Variants in PLAC1 observed in about 807,000 individuals in gnomAD.
PLAC1 encodes the protein placenta associated 1, also known as placenta-specific protein 1.
For synonymous variants in PLAC1, 68 were observed against 62.1 expected, an observed-to-expected ratio of 1.09 and a Z score of -0.44; for missense variants, 136 against 163.2, an observed-to-expected ratio of 0.83 and a Z score of 0.91.
intron 2 of PLAC1, among the ~76,000 whole-genome samples, chrX:134,590,196 AAAATAAAT>A (rs371123358): frequency 9.7e-6 from 1 of 103,384 alleles, no homozygotes; most frequent in African/African-American, 3.5e-5. Context: ...CTCCATCTCA[AAAATAAAT>A]AAATAAATAA....
At chrX:134,740,401 A>C (rs947651338) in intron 1 of PLAC1, among the ~76,000 whole-genome samples, 48 of 111,228 alleles carry the variant, frequency 4.3e-4, no homozygotes, top group Admixed American at 3.6e-3. Flanking sequence ...AACCATGGAG[A>C]TCTCATGAGC....
chrX:134,690,645 T>TA (rs1569405421), intron 2 of PLAC1, among the ~76,000 whole-genome samples: 2 of 109,160 alleles, frequency 1.8e-5, no homozygotes, highest in Non-Finnish European at 3.8e-5. Context: ...GAGGTCACAC[T>TA]CAAAAATATC....
chrX:134,659,541 G>GA (rs375523484), upstream of PLAC1, among the ~76,000 whole-genome samples: 10 of 111,001 alleles, frequency 9.0e-5, no homozygotes, highest in Non-Finnish European at 1.3e-4. Flanking sequence ...GGGGATGGGG[G>GA]AAAAAACACA....
chrX:134,677,423 G>A (rs950761402), intron 2 of PLAC1, among the ~76,000 whole-genome samples: 2 of 112,150 alleles, frequency 1.8e-5, no homozygotes, highest in African/African-American at 6.5e-5. Context: ...AGTAATACAT[G>A]CTCTGAAGAA....
chrX:134,656,294 A>G (rs904287364), intron 1 of PLAC1, among the ~76,000 whole-genome samples: 2 of 112,170 alleles, frequency 1.8e-5, no homozygotes, highest in Admixed American at 1.9e-4. Context: ...GTGGCCTTAG[A>G]GAAGTCACTA....
chrX:134,648,991 G>A (rs7058165), intron 1 of PLAC1, among the ~76,000 whole-genome samples: 1,413 of 111,773 alleles, frequency 0.013, 23 homozygotes, highest in African/African-American at 0.044. Flanking sequence ...AAAGCAGGCC[G>A]GGCGCAGTGG....
chrX:134,759,194 A>C (rs2078764021), intron 1 of PLAC1, among the ~76,000 whole-genome samples: 2 of 109,715 alleles, frequency 1.8e-5, no homozygotes, highest in African/African-American at 6.6e-5. Context: ...TCTGTCGCCT[A>C]GGCTGGAGTG....
intron 2 of PLAC1, among the ~76,000 whole-genome samples, chrX:134,585,858 T>C: frequency 9.0e-6 from 1 of 110,704 alleles, no homozygotes; most frequent in Non-Finnish European, 1.9e-5. Context: ...GTACAAGGAG[T>C]TGGGGGAGGG....
At chrX:134,567,755 C>T (rs2077884337) in intron 2 of PLAC1, among the ~76,000 whole-genome samples, 1 of 78,560 alleles carries the variant, frequency 1.3e-5, no homozygotes, top group South Asian at 8.5e-4. Flanking sequence ...GAGAGAGACT[C>T]TGTCTCAAAA....
At chrX:134,726,306 C>T (rs1055851031) in intron 2 of PLAC1, among the ~76,000 whole-genome samples, 5 of 111,174 alleles carry the variant, frequency 4.5e-5, no homozygotes, top group Admixed American at 9.6e-5. Flanking sequence ...TACCCCTACT[C>T]GAAGCTGGAG....
chrX:134,659,061 G>A (rs2078405679), upstream of PLAC1, among the ~76,000 whole-genome samples: 1 of 110,529 alleles, frequency 9.0e-6, no homozygotes, highest in Admixed American at 9.7e-5. Flanking sequence ...TTGGGGGGCT[G>A]TGGCGGGTGG....
intron 2 of PLAC1, among the ~76,000 whole-genome samples, chrX:134,698,916 A>T (rs1054076474): frequency 1.8e-5 from 2 of 110,860 alleles, no homozygotes; most frequent in African/African-American, 6.6e-5. Context: ...AAATGGCATC[A>T]CCATCCACCC....
chrX:134,745,303 T>C (rs1431687114), intron 1 of PLAC1, among the ~76,000 whole-genome samples: 1 of 111,832 alleles, frequency 8.9e-6, no homozygotes, highest in Non-Finnish European at 1.9e-5. Context: ...CTGTCATTGA[T>C]ATGAATTTAG....
In PLAC1 at chrX:134,731,278, A is replaced by G. The variant is rs1270688130; in HGVS notation, n.174+2157T>C. Among the ~76,000 whole-genome samples, 5 of 112,142 alleles carry G rather than the reference A, an allele frequency of 4.5e-5. No homozygotes were observed. The East Asian group carries it at 1.4e-3, about 32-fold the overall frequency. On this transcript the variant is annotated intron_variant and non_coding_transcript_variant, in intron 2 of 2. Transcript: ENST00000466797. The stretch of plus-strand genomic sequence containing the variant: ...GTTTGTATCTCTATAAAATGGGGAT[A>G]TAATTGTACCTACCTGTCACATGAA...
At chrX:134,669,978 C>T (rs779653086) in intron 2 of PLAC1, among the ~76,000 whole-genome samples, 115 of 112,092 alleles carry the variant, frequency 1.0e-3, no homozygotes, top group African/African-American at 3.6e-3. Flanking sequence ...ATGAGGATGG[C>T]TCTGCATACG....
chrX:134,589,726 CAA>C (rs11319611), intron 2 of PLAC1, among the ~76,000 whole-genome samples: 2,676 of 73,639 alleles, frequency 0.036, 99 homozygotes, highest in African/African-American at 0.12. Context: ...GACTCTGTCT[CAA>C]AAAAAAAAAA....
At chrX:134,657,470 C>T (rs2078397685) in intron 1 of PLAC1, among the ~76,000 whole-genome samples, 1 of 112,102 alleles carries the variant, frequency 8.9e-6, no homozygotes, top group African/African-American at 3.2e-5. Context: ...GAAGCTGGAA[C>T]TTGAACCCAA....
chrX:134,590,181 T>C (rs908970165), intron 2 of PLAC1, among the ~76,000 whole-genome samples: 1 of 103,953 alleles, frequency 9.6e-6, no homozygotes, highest in Non-Finnish European at 2.0e-5. Flanking sequence ...GGCAACAGAG[T>C]GAGACTCCAT....
intron 2 of PLAC1, among the ~76,000 whole-genome samples, chrX:134,680,235 G>C (rs1009549789): frequency 8.9e-6 from 1 of 111,915 alleles, no homozygotes; most frequent in African/African-American, 3.3e-5. Context: ...CTAAGAAGTA[G>C]TATCATTATT....
Sources: gnomAD v4.1 joint callset for allele counts (sites outside exome capture counted in the v4.1 genomes callset) on GRCh38, gnomAD v4.1.1 for gene constraint, MANE v1.5 for transcripts, NCBI Gene and HGNC (gene_info 2026-07-23, HGNC 2026-07-21) for gene names.